UBE2E2: variants seen among roughly 807,000 people sequenced by gnomAD.
UBE2E2 encodes ubiquitin conjugating enzyme E2 E2.
UBE2E2 carries 6 observed loss-of-function variants against 24.7 expected under a neutral mutation model. The observed-to-expected ratio is 0.24, with a 90% CI of 0.13 to 0.48. UBE2E2 has a LOEUF of 0.48. Among genes scored for constraint, UBE2E2 ranks in the 20% least tolerant of loss-of-function variants. UBE2E2 has a pLI of 0.99. For missense variants in UBE2E2, 169 were observed against 245.0 expected, an observed-to-expected ratio of 0.69 and a Z score of 2.07; for synonymous variants, 104 against 83.6, an observed-to-expected ratio of 1.24 and a Z score of -1.33.
At chr3:23,455,779 G>A (rs1294573862) in intron 3 of UBE2E2, among the ~76,000 whole-genome samples, 1 of 152,172 alleles carries the variant, frequency 6.6e-6, no homozygotes, top group African/African-American at 2.4e-5. Context: ...TGCTGGTGAA[G>A]GGTCTTTCCT....
chr3:23,366,525 A>G (rs953532739), intron 3 of UBE2E2, among the ~76,000 whole-genome samples: 1 of 152,226 alleles, frequency 6.6e-6, no homozygotes, highest in African/African-American at 2.4e-5. Context: ...GCTGAAAGCC[A>G]TGATGCCCCA....
chr3:23,393,121 G>A (rs143207722), intron 3 of UBE2E2, among the ~76,000 whole-genome samples: 1 of 152,294 alleles, frequency 6.6e-6, no homozygotes, highest in East Asian at 1.9e-4. Flanking sequence ...ATGTATGTGG[G>A]GAGCACAACC....
chr3:23,479,352 C>A (rs1699204608), intron 3 of UBE2E2, among the ~76,000 whole-genome samples: 1 of 152,190 alleles, frequency 6.6e-6, no homozygotes, highest in African/African-American at 2.4e-5. Context: ...GTGACTTCTG[C>A]TACAGGCACC....
chr3:23,410,541 G>A (rs1259985119), intron 3 of UBE2E2, among the ~76,000 whole-genome samples: 1 of 152,094 alleles, frequency 6.6e-6, no homozygotes, highest in Non-Finnish European at 1.5e-5. Context: ...ATGAGGATTA[G>A]GGTTGAATAA....
intron 4 of UBE2E2, among the ~76,000 whole-genome samples, chr3:23,524,859 C>T (rs1181371546): frequency 7.0e-6 from 1 of 142,066 alleles, no homozygotes; most frequent in African/African-American, 2.7e-5. Flanking sequence ...TACACACAGA[C>T]ACACAGACAC....
chr3:23,351,367 A>T (rs182618817), intron 3 of UBE2E2, among the ~76,000 whole-genome samples: 7 of 152,372 alleles, frequency 4.6e-5, no homozygotes, highest in Admixed American at 4.6e-4. Flanking sequence ...TAATGACGGG[A>T]TCAAATTCAC....
chr3:23,230,553 G>A (rs377619447), intron 3 of UBE2E2, among the ~76,000 whole-genome samples: 1 of 152,278 alleles, frequency 6.6e-6, no homozygotes, highest in African/African-American at 2.4e-5. Flanking sequence ...GGGAGGCCGA[G>A]GCGGGTGGAT....
intron 3 of UBE2E2, among the ~76,000 whole-genome samples, chr3:23,386,020 A>G (rs1464664527): frequency 6.6e-6 from 1 of 152,270 alleles, no homozygotes; most frequent in African/African-American, 2.4e-5. Flanking sequence ...AAAATCGAAT[A>G]GAATTACAAA....
chr3:23,365,470 A>G (rs561719018), intron 3 of UBE2E2, among the ~76,000 whole-genome samples: 1 of 152,176 alleles, frequency 6.6e-6, no homozygotes, highest in Non-Finnish European at 1.5e-5. Context: ...CTATACACCA[A>G]CATCATCTAA....
intron 3 of UBE2E2, among the ~76,000 whole-genome samples, chr3:23,247,202 TTC>T (rs1291385484): frequency 6.6e-6 from 1 of 152,154 alleles, no homozygotes; most frequent in African/African-American, 2.4e-5. Context: ...AATTTATTTA[TTC>T]TCTTTTTATT....
chr3:23,512,728 T>C (rs1694632733), intron 4 of UBE2E2, among the ~76,000 whole-genome samples: 1 of 152,156 alleles, frequency 6.6e-6, no homozygotes, highest in Non-Finnish European at 1.5e-5. Flanking sequence ...CCAGATCACC[T>C]GAAGTCAGGA....
intron 3 of UBE2E2, among the ~76,000 whole-genome samples, chr3:23,344,401 C>T (rs920832974): frequency 1.3e-5 from 2 of 152,056 alleles, no homozygotes; most frequent in South Asian, 2.1e-4. Context: ...AAAAACCTTG[C>T]GCCTCAGTCA....
intron 3 of UBE2E2, among the ~76,000 whole-genome samples, chr3:23,450,485 C>T (rs896736806): frequency 1.3e-5 from 2 of 152,176 alleles, no homozygotes; most frequent in South Asian, 2.1e-4. Flanking sequence ...TATAGATACA[C>T]CTCTTTACCT....
intron 3 of UBE2E2, among the ~76,000 whole-genome samples, chr3:23,438,169 G>A (rs1370548200): frequency 6.6e-6 from 1 of 152,204 alleles, no homozygotes; most frequent in Non-Finnish European, 1.5e-5. Context: ...GGACTTCAGT[G>A]AGTAAAGCAA....
chr3:23,337,502 A>G (rs191804941), intron 3 of UBE2E2, among the ~76,000 whole-genome samples: 240 of 152,270 alleles, frequency 1.6e-3, no homozygotes, highest in Middle Eastern at 3.4e-3. Flanking sequence ...GTTTAGCACA[A>G]ATTGTCATTG....
chr3:23,549,842 G>A (rs1379267517), intron 5 of UBE2E2, among the ~76,000 whole-genome samples: 3 of 152,014 alleles, frequency 2.0e-5, no homozygotes, highest in Non-Finnish European at 2.9e-5. Flanking sequence ...AGACCAGCCT[G>A]GCCAACATGG....
chr3:23,449,010 G>C (rs1698494437), intron 3 of UBE2E2, among the ~76,000 whole-genome samples: 1 of 152,144 alleles, frequency 6.6e-6, no homozygotes, highest in South Asian at 2.1e-4. Context: ...ATCATCCATA[G>C]AGTTCTATTG....
chr3:23,391,017 T>C (rs1168150881), intron 3 of UBE2E2, among the ~76,000 whole-genome samples: 1 of 152,178 alleles, frequency 6.6e-6, no homozygotes, highest in Non-Finnish European at 1.5e-5. Context: ...TCAATGCTTA[T>C]TGTTTGTTTA....
intron 4 of UBE2E2, among the ~76,000 whole-genome samples, chr3:23,510,844 G>A (rs549866198): frequency 9.7e-4 from 148 of 152,174 alleles, no homozygotes; most frequent in Admixed American, 1.8e-3. Flanking sequence ...CCAGGCCCTT[G>A]ATATATAAAG....
Sources: gnomAD v4.1 joint callset for allele counts (sites outside exome capture counted in the v4.1 genomes callset) on GRCh38, gnomAD v4.1.1 for gene constraint, MANE v1.5 for transcripts, NCBI Gene and HGNC (gene_info 2026-07-23, HGNC 2026-07-21) for gene names.